The following RIMS1 variants were observed in gnomAD, a reference collection of about 807,000 sequenced individuals.
RIMS1 encodes the protein regulating synaptic membrane exocytosis protein 1.
A neutral mutation model predicts 214.1 loss-of-function variants in RIMS1; 83 were observed. The ratio of observed to expected loss-of-function variants is 0.39; its 90% CI spans 0.32 to 0.47. The LOEUF (loss-of-function observed/expected upper bound fraction) is 0.47. RIMS1 is among the 20% of genes least tolerant of loss of function. The probability of loss-of-function intolerance (pLI) is 0.99; values close to 1 mark genes in which losing one functional copy is unlikely to be tolerated. For missense variants in RIMS1, 2,050 were observed against 2,161.8 expected, an observed-to-expected ratio of 0.95 and a Z score of 1.03; for synonymous variants, 793 against 786.8, an observed-to-expected ratio of 1.01 and a Z score of -0.13.
chr6:72,105,097 A>T (rs1054732913), intron 4 of RIMS1, among the ~76,000 whole-genome samples: 110 of 151,582 alleles, frequency 7.3e-4, no homozygotes, highest in East Asian at 9.7e-4. Context: ...ATTAAAAAAA[A>T]TTTTTTTTTA....
intron 4 of RIMS1, among the ~76,000 whole-genome samples, chr6:72,152,428 T>C (rs1355882170): frequency 6.6e-6 from 1 of 152,176 alleles, no homozygotes; most frequent in Non-Finnish European, 1.5e-5. Flanking sequence ...CACTATGCTA[T>C]GCAGCTCTTT....
intron 22 of RIMS1, among the ~76,000 whole-genome samples, chr6:72,273,447 C>T (rs939327703): frequency 8.6e-5 from 13 of 151,918 alleles, no homozygotes; most frequent in Admixed American, 7.2e-4. Flanking sequence ...TTAATTCTGA[C>T]CCATTCAGTG....
chr6:72,334,649 A>G (rs562454730), intron 29 of RIMS1, among the ~76,000 whole-genome samples: 2 of 151,940 alleles, frequency 1.3e-5, no homozygotes, highest in Non-Finnish European at 1.5e-5. Context: ...CTTAAAACCA[A>G]CATTGGTTCC....
rs1014597856 is a variant in RIMS1, at chr6:71,994,349, G to C, written c.245+25286G>C. 3.3e-5 allele frequency among the ~76,000 whole-genome samples: 5 copies of C among 152,250 alleles called. No homozygotes were observed. The East Asian group carries it at 9.7e-4, about 29-fold the overall frequency. ...TCTTGGCTTCTTTACCTTACCATAT[G>C]TTGATAGGCTAGCTGTTGTTCAAAT... On this transcript the variant is annotated intron_variant, in intron 2 of 33. Coordinates refer to ENST00000521978, the MANE Select transcript of RIMS1 (RefSeq NM_014989.7).
At chr6:71,991,389 T>G (rs1027871632) in intron 2 of RIMS1, among the ~76,000 whole-genome samples, 1 of 152,224 alleles carries the variant, frequency 6.6e-6, no homozygotes, top group Admixed American at 6.5e-5. Flanking sequence ...ATATTCTTTT[T>G]TGGTAGCACA....
Position 72,114,308 on chromosome 6 carries a change from G to A in RIMS1, c.471+14322G>A, listed in dbSNP as rs138987613. 5.1e-3 allele frequency among the ~76,000 whole-genome samples: 781 copies of A among 152,000 alleles called. 4 individuals carry two copies. The highest frequency in any genetic ancestry group is 9.0e-3 in the Non-Finnish European group (612 of 67,890). ...ATGGAATTGTATTCGCACTGGAGTC[G>A]TATTAGTTATTACAGGCAAAATTCT... On this transcript the variant is annotated intron_variant, in intron 4 of 33. Coordinates refer to ENST00000521978, the MANE Select transcript of RIMS1 (RefSeq NM_014989.7).
chr6:72,242,944 C>T (rs1458494396), intron 10 of RIMS1, among the ~76,000 whole-genome samples: 2 of 151,652 alleles, frequency 1.3e-5, no homozygotes, highest in Non-Finnish European at 3.0e-5. Context: ...AATATTTTAA[C>T]ATTTTAATTG....
intron 4 of RIMS1, among the ~76,000 whole-genome samples, chr6:72,152,312 G>C (rs1421094322): frequency 1.3e-5 from 2 of 152,172 alleles, no homozygotes; most frequent in Admixed American, 6.5e-5. Flanking sequence ...CTATGGGAGA[G>C]GTACTATCAC....
intron 26 of RIMS1, among the ~76,000 whole-genome samples, chr6:72,300,269 C>T (rs2094485857): frequency 6.6e-6 from 1 of 151,738 alleles, no homozygotes; most frequent in Admixed American, 6.6e-5. Context: ...AAGGATTTAA[C>T]ACATGTTAAC....
chr6:72,061,031 A>T (rs1827707857), intron 2 of RIMS1, among the ~76,000 whole-genome samples: 1 of 152,184 alleles, frequency 6.6e-6, no homozygotes, highest in Non-Finnish European at 1.5e-5. Context: ...TAGGTAAATG[A>T]TAGATGTGTG....
intron 12 of RIMS1, among the ~76,000 whole-genome samples, chr6:72,249,700 G>C (rs1323749847): frequency 1.3e-5 from 2 of 152,122 alleles, no homozygotes; most frequent in African/African-American, 2.4e-5. Context: ...GGTTCCAGCA[G>C]TTTGAGGCTG....
chr6:72,163,026 T>A (rs113257465), intron 4 of RIMS1, among the ~76,000 whole-genome samples: 8,377 of 122,228 alleles, frequency 0.069, 1,018 homozygotes, highest in South Asian at 0.1. Flanking sequence ...CAGGTATACC[T>A]ATCAGATGTA....
intron 1 of RIMS1, among the ~76,000 whole-genome samples, chr6:71,968,494 G>T (rs1312890413): frequency 1.3e-5 from 2 of 152,062 alleles, no homozygotes; most frequent in Non-Finnish European, 2.9e-5. Flanking sequence ...TGAACAAGGG[G>T]GATGCCTTGA....
At chr6:72,176,836 C>A (rs529297306) in intron 4 of RIMS1, among the ~76,000 whole-genome samples, 1 of 152,122 alleles carries the variant, frequency 6.6e-6, no homozygotes, top group African/African-American at 2.4e-5. Context: ...CTAATTGTAA[C>A]CTTTTGAATA....
At chr6:72,125,699 G>T (rs1429059607) in intron 4 of RIMS1, among the ~76,000 whole-genome samples, 1 of 152,218 alleles carries the variant, frequency 6.6e-6, no homozygotes, top group Non-Finnish European at 1.5e-5. Flanking sequence ...AATGGTGGAT[G>T]CCCCTCCCCC....
At chr6:72,066,387 T>C (rs548607303) in intron 2 of RIMS1, among the ~76,000 whole-genome samples, 2 of 152,212 alleles carry the variant, frequency 1.3e-5, no homozygotes, top group Non-Finnish European at 2.9e-5. Flanking sequence ...AGTATTATAA[T>C]AAATGCTATT....
chr6:72,283,924 C>A lies in RIMS1; in HGVS notation c.3483-123C>A, dbSNP rs1195651681. 7 of 690,452 alleles carry A rather than the reference C, an allele frequency of 1.0e-5. No homozygotes were observed. In the East Asian group the frequency reaches 2.0e-4, roughly 19 times the overall value. The allele number at this position is 690,452 out of a possible 1,614,324, so 42.8% of individuals were successfully genotyped here. ...TTTGTTTATTTAGTTTTGAAAAGTA[C>A]TGACTGACAAAATCATTTAGGTAAT... On this transcript the variant is annotated intron_variant, in intron 23 of 33. Coordinates refer to ENST00000521978, the MANE Select transcript of RIMS1 (RefSeq NM_014989.7).
chr6:72,240,528 T>C (rs963722719), intron 9 of RIMS1, among the ~76,000 whole-genome samples: 8 of 151,444 alleles, frequency 5.3e-5, no homozygotes, highest in African/African-American at 1.9e-4. Context: ...ATGTTCATAT[T>C]ATATGTGTAC....
chr6:72,261,629 C>T (rs950428113), intron 19 of RIMS1: 124 of 984,834 alleles, frequency 1.3e-4, no homozygotes, highest in Non-Finnish European at 1.5e-4. Flanking sequence ...ATATTTTAGC[C>T]AATAAAAAGC....
Sources: allele counts gnomAD v4.1 joint callset (sites outside exome capture counted in the v4.1 genomes callset), GRCh38; gene constraint gnomAD v4.1.1; transcripts MANE v1.5; gene names NCBI Gene and HGNC (gene_info 2026-07-23, HGNC 2026-07-21).